NRG3: variants seen among roughly 807,000 people sequenced by gnomAD.
NRG3 encodes neuregulin 3, also known as pro-neuregulin-3, membrane-bound isoform.
Under a neutral mutation model 66.9 loss-of-function variants are expected in NRG3, and 31 were observed. The observed-to-expected ratio is 0.46, with a 90% CI of 0.35 to 0.63. The LOEUF is 0.63. NRG3 is among the 20% of genes least tolerant of loss of function. The pLI is 0.00. For synonymous variants in NRG3, 393 were observed against 359.4 expected (o/e 1.09, Z -1.06); for missense variants, 910 against 878.9 (o/e 1.04, Z -0.45).
chr10:82,378,955 T>C (rs564209907), intron 2 of NRG3, among the ~76,000 whole-genome samples: 2 of 152,160 alleles, frequency 1.3e-5, no homozygotes, highest in East Asian at 3.9e-4. Flanking sequence ...ACTATAAGGA[T>C]AAGAGCACTA....
chr10:82,585,655 G>T (rs2133256946), intron 2 of NRG3, among the ~76,000 whole-genome samples: 1 of 152,072 alleles, frequency 6.6e-6, no homozygotes, highest in African/African-American at 2.4e-5. Context: ...CTGTTTTGAG[G>T]GTATTATTTC....
intron 4 of NRG3, among the ~76,000 whole-genome samples, chr10:82,879,997 C>T (rs984173966): frequency 4.1e-5 from 5 of 122,602 alleles, no homozygotes; most frequent in African/African-American, 1.3e-4. Context: ...AGAATTGAAG[C>T]AGAAGCTTGT....
intron 3 of NRG3, among the ~76,000 whole-genome samples, chr10:82,815,986 A>G (rs939899621): frequency 6.6e-6 from 1 of 152,152 alleles, no homozygotes; most frequent in Non-Finnish European, 1.5e-5. Flanking sequence ...TACATGTGGC[A>G]TGGCTGAATG....
intron 2 of NRG3, among the ~76,000 whole-genome samples, chr10:82,613,665 T>G (rs2048452235): frequency 6.6e-6 from 1 of 151,768 alleles, no homozygotes; most frequent in Non-Finnish European, 1.5e-5. Context: ...TATTTTAAAG[T>G]GCCATTTATT....
intron 3 of NRG3, among the ~76,000 whole-genome samples, chr10:82,761,556 C>G (rs1042899517): frequency 3.4e-4 from 52 of 152,004 alleles, no homozygotes; most frequent in African/African-American, 1.2e-3. Flanking sequence ...AAGTGCTCAG[C>G]ATAAAAACCT....
intron 1 of NRG3, among the ~76,000 whole-genome samples, chr10:82,167,050 T>A (rs1330744749): frequency 6.6e-6 from 1 of 152,062 alleles, no homozygotes. Context: ...CACAGATTTT[T>A]AAAAATTTGA....
intron 1 of NRG3, among the ~76,000 whole-genome samples, chr10:81,952,752 C>T (rs1849493802): frequency 1.3e-5 from 2 of 151,954 alleles, no homozygotes; most frequent in Non-Finnish European, 2.9e-5. Flanking sequence ...TAAAGGTGTG[C>T]ATACCCTGCC....
intron 3 of NRG3, among the ~76,000 whole-genome samples, chr10:82,744,152 G>T (rs1158385973): frequency 2.0e-5 from 3 of 152,080 alleles, no homozygotes; most frequent in Admixed American, 1.3e-4. Flanking sequence ...CAAACTAGTG[G>T]ATTTCTTCAC....
At chr10:82,553,832 G>T (rs2132923341) in intron 2 of NRG3, among the ~76,000 whole-genome samples, 1 of 152,178 alleles carries the variant, frequency 6.6e-6, no homozygotes, top group Non-Finnish European at 1.5e-5. Context: ...CTCACCTCAT[G>T]ATATTTAAGT....
At chr10:82,366,044 A>G (rs955277717) in intron 2 of NRG3, among the ~76,000 whole-genome samples, 1 of 152,216 alleles carries the variant, frequency 6.6e-6, no homozygotes, top group Admixed American at 6.5e-5. Flanking sequence ...TACAAGAGGC[A>G]AATGTGAGTG....
intron 1 of NRG3, among the ~76,000 whole-genome samples, chr10:82,066,008 T>A (rs1377968369): frequency 6.6e-6 from 1 of 152,212 alleles, no homozygotes; most frequent in African/African-American, 2.4e-5. Flanking sequence ...TCTTAACCTT[T>A]ACTTTTAAAA....
At chr10:82,003,909 TCC>T (rs2133704134) in intron 1 of NRG3, among the ~76,000 whole-genome samples, 1 of 151,692 alleles carries the variant, frequency 6.6e-6, no homozygotes, top group East Asian at 1.9e-4. Flanking sequence ...CCTCAGCTAC[TCC>T]GGAGGCTGAA....
chr10:82,585,012 G>A (rs534668555), intron 2 of NRG3, among the ~76,000 whole-genome samples: 5 of 149,540 alleles, frequency 3.3e-5, no homozygotes, highest in African/African-American at 9.8e-5. Context: ...TGTCTTTTTT[G>A]GGGGGGGAAC....
chr10:82,188,707 C>T (rs575078193), intron 1 of NRG3, among the ~76,000 whole-genome samples: 1 of 152,218 alleles, frequency 6.6e-6, no homozygotes, highest in Admixed American at 6.5e-5. Flanking sequence ...AAAAGGTGCT[C>T]AACATCATTG....
At chr10:82,332,512 A>G (rs1402035119) in intron 1 of NRG3, among the ~76,000 whole-genome samples, 1 of 152,134 alleles carries the variant, frequency 6.6e-6, no homozygotes, top group Non-Finnish European at 1.5e-5. Context: ...TCCTTTTGCA[A>G]CACCCATGAT....
chr10:82,542,473 A>G (rs2043609789), intron 2 of NRG3, among the ~76,000 whole-genome samples: 1 of 152,240 alleles, frequency 6.6e-6, no homozygotes, highest in Non-Finnish European at 1.5e-5. Flanking sequence ...TTAATAAATG[A>G]ACAAATCAAA....
chr10:82,742,658 A>T (rs1478407487), intron 3 of NRG3, among the ~76,000 whole-genome samples: 1 of 151,974 alleles, frequency 6.6e-6, no homozygotes, highest in African/African-American at 2.4e-5. Context: ...TCTGTGGAGG[A>T]GCCGGCATCA....
intron 1 of NRG3, among the ~76,000 whole-genome samples, chr10:82,149,994 G>T (rs1383526657): frequency 6.6e-6 from 1 of 152,124 alleles, no homozygotes; most frequent in African/African-American, 2.4e-5. Context: ...CGACGAGATG[G>T]AACTCCGCTG....
In NRG3 at chr10:82,358,686, T is replaced by C. The variant is rs2083930253; in HGVS notation, c.824-53T>C. 2.4e-5 allele frequency: 39 copies of C among 1,609,480 alleles called. 1 individual carries two copies. The South Asian group carries it at 3.3e-4, about 14-fold the overall frequency. On this transcript the variant is annotated intron_variant, in intron 1 of 8. Coordinates refer to ENST00000372141, the MANE Select transcript of NRG3 (RefSeq NM_001010848.4). Reference sequence around the variant, plus strand: ...GATCCAGAGCCAGTGACAGGAGTTGTTGGTGTCAGAATGTACTGCTGACAG... The same window carrying C: ...GATCCAGAGCCAGTGACAGGAGTTGCTGGTGTCAGAATGTACTGCTGACAG...
Sources: gnomAD v4.1 joint callset for allele counts (sites outside exome capture counted in the v4.1 genomes callset) on GRCh38, gnomAD v4.1.1 for gene constraint, MANE v1.5 for transcripts, NCBI Gene and HGNC (gene_info 2026-07-23, HGNC 2026-07-21) for gene names.